The following ZC3H7A variants were observed in gnomAD, a reference collection of about 807,000 sequenced individuals.
ZC3H7A encodes zinc finger CCCH domain-containing protein 7A.
A neutral mutation model predicts 125.5 loss-of-function variants in ZC3H7A; 44 were observed. The ratio of observed to expected loss-of-function variants is 0.35; its 90% CI spans 0.28 to 0.45. The LOEUF is 0.45. ZC3H7A is among the 20% of genes least tolerant of loss of function. The pLI, the probability that ZC3H7A is intolerant of heterozygous loss-of-function variation, is 1.00. For missense variants in ZC3H7A, 977 were observed against 1,170.7 expected, an observed-to-expected ratio of 0.83 and a Z score of 2.41; for synonymous variants, 399 against 391.2, an observed-to-expected ratio of 1.02 and a Z score of -0.23.
intron 4 of ZC3H7A, 59 bp downstream of exon 4, chr16:11,779,107 T>G: frequency 2.2e-6 from 3 of 1,354,270 alleles, no homozygotes; most frequent in Non-Finnish European, 3.1e-6. Context: ...ATTAATGTAC[T>G]AAGTCATTGA....
chr16:11,773,391 T>G (rs1567384449), intron 9 of ZC3H7A, among the ~76,000 whole-genome samples: 5 of 151,976 alleles, frequency 3.3e-5, no homozygotes, highest in Non-Finnish European at 1.5e-5. Flanking sequence ...TTACCCAGGC[T>G]AGTTTCATAT....
chr16:11,793,325 G>C (rs573699475), intron 1 of ZC3H7A, among the ~76,000 whole-genome samples: 69 of 152,190 alleles, frequency 4.5e-4, no homozygotes, highest in Middle Eastern at 3.4e-3. Context: ...TTCAGGCCAG[G>C]AGTTTGAGAC....
chr16:11,763,415 A>T, intron 16 of ZC3H7A, 63 bp downstream of exon 16: 1 of 1,494,668 alleles, frequency 6.7e-7, no homozygotes, highest in Non-Finnish European at 9.0e-7. Context: ...GGCCCAAATT[A>T]CTGTTTCATT....
intron 16 of ZC3H7A, 121 bp from the exon 17 acceptor site, chr16:11,762,868 T>C: frequency 1.2e-6 from 1 of 823,208 alleles, no homozygotes; most frequent in Non-Finnish European, 1.9e-6. Context: ...TCCTAATCCA[T>C]CAGCAAGGAT....
chr16:11,766,000 C>G lies in ZC3H7A; in HGVS notation c.1523-315G>C, dbSNP rs565237258. On this transcript the variant is annotated intron_variant, in intron 13 of 22. Transcript: ENST00000355758. This position sits in a 1 kb window ranked among gnomAD's most constrained non-coding sequence, Gnocchi z 4.8. The stretch of plus-strand genomic sequence containing the variant: ...ATATGCATATTATCTGGGGATGGAT[C>G]GTATCAACTCTAAAAAAGAGAAGTA... Among the ~76,000 whole-genome samples, 2 of 151,896 alleles carry G rather than the reference C, an allele frequency of 1.3e-5. No homozygotes were observed. The highest frequency in any genetic ancestry group is 2.4e-5 in the African/African-American group (1 of 41,326).
At chr16:11,758,360 G>T in intron 20 of ZC3H7A, 71 bp downstream of exon 20, 1 of 1,116,274 alleles carries the variant, frequency 9.0e-7, no homozygotes, top group Non-Finnish European at 1.4e-6. Context: ...ACAGGAAGCT[G>T]GCATATTTAT....
intron 20 of ZC3H7A, among the ~76,000 whole-genome samples, chr16:11,757,831 A>G (rs1240827782): frequency 1.3e-5 from 2 of 152,204 alleles, no homozygotes; most frequent in Non-Finnish European, 2.9e-5. Flanking sequence ...GTTGGTTCTT[A>G]TAATCCAGAG....
intron 1 of ZC3H7A, among the ~76,000 whole-genome samples, chr16:11,788,087 TAAAG>T (rs1311062505): frequency 6.6e-6 from 1 of 152,210 alleles, no homozygotes; most frequent in African/African-American, 2.4e-5. Flanking sequence ...GCCTCAATTT[TAAAG>T]AAAGAAAGAA....
In ZC3H7A at chr16:11,783,261, A is replaced by ATTGGAATT. The variant is rs546092091; in HGVS notation, c.-34-881_-34-874dup. ...AAAATAATGATATAAAGTTACTTCC[A>ATTGGAATT]TTGGAATTTTCTGGATATTAAAATG... On this transcript the variant is annotated intron_variant, in intron 1 of 22. Transcript: ENST00000355758. 1.9e-3 allele frequency among the ~76,000 whole-genome samples: 286 copies of ATTGGAATT among 152,314 alleles called. 1 individual carries two copies. Among genetic ancestry groups the ATTGGAATT allele is most frequent in the Non-Finnish European group, 2.8e-3 (188 of 68,040 alleles).
chr16:11,779,091 C>T, intron 4 of ZC3H7A, 75 bp downstream of exon 4: 3 of 1,240,354 alleles, frequency 2.4e-6, no homozygotes, highest in Non-Finnish European at 3.4e-6. Context: ...AAGAAATTGA[C>T]TTTTTATTAA....
At chr16:11,754,241 A>G (rs1295737784) in intron 21 of ZC3H7A, among the ~76,000 whole-genome samples, 1 of 148,254 alleles carries the variant, frequency 6.7e-6, no homozygotes, top group African/African-American at 2.5e-5. Flanking sequence ...GCAGTGAGCC[A>G]TAACTGTGCC....
chr16:11,787,489 T>A (rs577879126), intron 1 of ZC3H7A, among the ~76,000 whole-genome samples: 5 of 152,214 alleles, frequency 3.3e-5, no homozygotes, highest in Admixed American at 3.3e-4. Flanking sequence ...TGACACAAGG[T>A]CTTACCCTGT....
At chr16:11,789,662 C>T (rs8053435) in intron 1 of ZC3H7A, among the ~76,000 whole-genome samples, 82,845 of 152,112 alleles carry the variant, frequency 0.54, 24,849 homozygotes, top group East Asian at 0.81. Flanking sequence ...CACAGCGTTC[C>T]ATGATATGGT....
chr16:11,770,668 C>T, intron 10 of ZC3H7A, 115 bp downstream of exon 10: 1 of 1,024,300 alleles, frequency 9.8e-7, no homozygotes, highest in East Asian at 2.6e-5. Context: ...TTTTTAGCTA[C>T]AAAGAAAATA....
Position 11,776,914 on chromosome 16 carries a change from T to C in ZC3H7A, c.307-5A>G, listed in dbSNP as rs1010436466. 3.2e-6 allele frequency: 5 copies of C among 1,573,992 alleles called. No individual in the cohort carries two copies. Among genetic ancestry groups the C allele is most frequent in the Non-Finnish European group, 4.3e-6 (5 of 1,164,358 alleles). On this transcript the variant is annotated splice_polypyrimidine_tract_variant and splice_region_variant and intron_variant, in intron 4 of 22. Transcript: ENST00000355758. ...CAAAACTTTATCATGGAAACCCTGG[T>C]GTGTAAGACCAAAGAATAAAGTCAG...
At chr16:11,769,136 A>T in intron 10 of ZC3H7A, 41 bp from the exon 11 acceptor site, 1 of 1,553,352 alleles carries the variant, frequency 6.4e-7, no homozygotes, top group Non-Finnish European at 8.8e-7. Flanking sequence ...TTTCATTCTG[A>T]TCACGTAATA....
chr16:11,773,643 G>A (rs926958615), intron 9 of ZC3H7A, among the ~76,000 whole-genome samples: 3 of 151,794 alleles, frequency 2.0e-5, no homozygotes, highest in Non-Finnish European at 2.9e-5. Flanking sequence ...AGCACTTTGG[G>A]AGGCCGAGGC....
chr16:11,779,060 A>C lies in ZC3H7A; in HGVS notation c.306+106T>G, dbSNP rs952962127. On this transcript the variant is annotated intron_variant, in intron 4 of 22. Coordinates refer to ENST00000355758, the MANE Select transcript of ZC3H7A (RefSeq NM_014153.4). ...CCTCAAGCCACTCCAAAAGCAGGTA[A>C]TATGACTTTCTTAAAAACTTAAGAA... 4 of 999,340 alleles carry C rather than the reference A, an allele frequency of 4.0e-6. No homozygotes were observed. The African/African-American group carries it at 6.6e-5, about 17-fold the overall frequency. The allele number at this position is 999,340 out of a possible 1,614,324, so 61.9% of individuals were successfully genotyped here. A position where few individuals can be genotyped will look rare whatever the true frequency, so the allele number is the denominator to read the frequency against.
At chr16:11,787,624 T>C (rs1452343938) in intron 1 of ZC3H7A, among the ~76,000 whole-genome samples, 1 of 152,148 alleles carries the variant, frequency 6.6e-6, no homozygotes, top group African/African-American at 2.4e-5. Flanking sequence ...CATGCTCAGC[T>C]AATTTTTTTA....
Sources: gnomAD v4.1 joint callset for allele counts (sites outside exome capture counted in the v4.1 genomes callset) on GRCh38, gnomAD v4.1.1 for gene constraint, Gnocchi (gnomAD v3.1) non-coding constraint, MANE v1.5 for transcripts, NCBI Gene and HGNC (gene_info 2026-07-23, HGNC 2026-07-21) for gene names.